GTF3C1: variants seen among roughly 807,000 people sequenced by gnomAD.
The protein encoded by GTF3C1 is general transcription factor 3C polypeptide 1.
In GTF3C1, 57 loss-of-function variants were observed where a neutral mutation model predicts 226.7. The observed-to-expected ratio is 0.25, with a 90% CI of 0.20 to 0.31. The LOEUF is 0.31. GTF3C1 is among the 10% of genes least tolerant of loss of function. GTF3C1 has a pLI of 1.00. For synonymous variants in GTF3C1, 1,090 were observed against 1,084.8 expected, an observed-to-expected ratio of 1.00 and a Z score of -0.09; for missense variants, 2,217 against 2,776.1, an observed-to-expected ratio of 0.80 and a Z score of 4.53.
In GTF3C1 at chr16:27,506,835, C is replaced by A; in HGVS notation, c.1552+12G>T. 6.3e-7 allele frequency: 1 copy of A among 1,588,292 alleles called. No individual in the cohort carries two copies. Among genetic ancestry groups the A allele is most frequent in the Non-Finnish European group, 8.6e-7 (1 of 1,166,014 alleles). ...GTGCACGCAGCCCCTGCCCACCCCA[C>A]GTGCTCCCTACCCTTGGTTGGGGTG... On this transcript the variant is annotated intron_variant, in intron 9 of 36. Coordinates refer to ENST00000356183, the MANE Select transcript of GTF3C1 (RefSeq NM_001520.4).
chr16:27,463,849 A>G lies in GTF3C1; in HGVS notation c.5873-257T>C. The stretch of plus-strand genomic sequence containing the variant: ...AGCCCCACATTGCAGGAAGCCAGCG[A>G]ACACCTCATTTTCCACCCAGAAGCC... On this transcript the variant is annotated intron_variant, in intron 34 of 36. Coordinates refer to ENST00000356183, the MANE Select transcript of GTF3C1 (RefSeq NM_001520.4). This position sits in a 1 kb window ranked among gnomAD's most constrained non-coding sequence, Gnocchi z 4.9. The G allele has an allele frequency of 1.9e-6, 1 of 531,126 alleles. No individual in the cohort carries two copies. Among genetic ancestry groups the G allele is most frequent in the Non-Finnish European group, 3.3e-6 (1 of 304,118 alleles). The allele number at this position is 531,126 out of a possible 1,614,324, so 32.9% of individuals were successfully genotyped here. A position where few individuals can be genotyped will look rare whatever the true frequency, so the allele number is the denominator to read the frequency against.
chr16:27,513,344 C>T (rs985530547), intron 6 of GTF3C1, among the ~76,000 whole-genome samples: 1 of 152,172 alleles, frequency 6.6e-6, no homozygotes, highest in Non-Finnish European at 1.5e-5. Context: ...GTCCCAGCTA[C>T]TCAGGAGGCT....
chr16:27,533,256 C>T, intron 5 of GTF3C1, 35 bp downstream of exon 5: 1 of 1,080,294 alleles, frequency 9.3e-7, no homozygotes. Context: ...GTACAGATCA[C>T]ACCCAGCCCC....
At chr16:27,503,559 G>A (rs551992339) in intron 10 of GTF3C1, among the ~76,000 whole-genome samples, 2 of 152,176 alleles carry the variant, frequency 1.3e-5, no homozygotes, top group South Asian at 2.1e-4. Flanking sequence ...GAGGTAGAGC[G>A]GGGCTCTTGA....
intron 32 of GTF3C1, chr16:27,466,350 G>C (rs2087786771): frequency 1.3e-5 from 2 of 152,184 alleles, no homozygotes; most frequent in East Asian, 1.9e-4. Flanking sequence ...CCTGTGATCA[G>C]TGATCTTTGC....
Position 27,495,469 on chromosome 16 carries a change from C to T in GTF3C1, c.2374G>A (p.Gly792Arg), listed in dbSNP as rs1237145308. Reference protein sequence around the residue: ...IVVPGLGRSLGFLPKMPRLRV... With the variant: ...IVVPGLGRSLRFLPKMPRLRV... The stretch of plus-strand genomic sequence containing the variant: ...AGGCGAGGCATTTTGGGCAGAAATC[C>T]TAGAGAACGCCCCAGTCCGGGAACT... The change falls in exon 15 of 37, where the codon GGA becomes AGA. Residue 792 changes from glycine to arginine, a missense_variant. By Grantham distance (125) the Gly-to-Arg change is moderately radical (BLOSUM62 -2). Around this residue, in one of 12 missense-constraint regions of GTF3C1, gnomAD observed 100 missense variants for 139.9 expected, o/e 0.71. Transcript: ENST00000356183. 1 of 1,613,688 alleles carries T rather than the reference C, an allele frequency of 6.2e-7. No homozygotes were observed. Among genetic ancestry groups the T allele is most frequent in the Non-Finnish European group, 8.5e-7 (1 of 1,179,834 alleles).
In GTF3C1 at chr16:27,469,592, C is replaced by A; in HGVS notation, c.4815-42G>T. 6.3e-7 allele frequency: 1 copy of A among 1,577,912 alleles called. No homozygotes were observed. Among genetic ancestry groups the A allele is most frequent in the Non-Finnish European group, 8.7e-7 (1 of 1,155,762 alleles). ...ACCTGGATACCTGAGCATAGGCCAG[C>A]CAGTTGCTACTGCAGCCTCTCCCCT... is the stretch of plus-strand genomic sequence containing the variant. On this transcript the variant is annotated intron_variant, in intron 31 of 36. Transcript: ENST00000356183. This position sits in a 1 kb window ranked among gnomAD's most constrained non-coding sequence, Gnocchi z 4.5.
rs771539048 is a variant in GTF3C1, at chr16:27,483,034, C to A, written c.4083+10G>T. Reference sequence around the variant, plus strand: ...AAGCATACCAAGCCCTACACTCACACAGGACCTACCTTTGGGTCATCATAG... The same window carrying A: ...AAGCATACCAAGCCCTACACTCACAAAGGACCTACCTTTGGGTCATCATAG... On this transcript the variant is annotated intron_variant, in intron 26 of 36. Transcript: ENST00000356183. The A allele has an allele frequency of 1.2e-6, 2 of 1,613,344 alleles. No individual in the cohort carries two copies. The highest frequency in any genetic ancestry group is 3.3e-5 in the Admixed American group (2 of 60,010).
Position 27,493,384 on chromosome 16 carries a change from A to T in GTF3C1, c.2779-88T>A, listed in dbSNP as rs913667014. The T allele has an allele frequency of 1.4e-4, 105 of 747,170 alleles. No individual in the cohort carries two copies. The African/African-American group carries it at 1.7e-3, about 12-fold the overall frequency. The allele number at this position is 747,170 out of a possible 1,614,324, so 46.3% of individuals were successfully genotyped here. ...AAAAAGTGCTCGCCACTATTTTCTG[A>T]CCATAGTCTCCCTGAACCTGCCCAC... On this transcript the variant is annotated intron_variant, in intron 16 of 36. Coordinates refer to ENST00000356183, the MANE Select transcript of GTF3C1 (RefSeq NM_001520.4).
At chr16:27,482,174 G>A (rs1364511559) in intron 26 of GTF3C1, among the ~76,000 whole-genome samples, 1 of 152,180 alleles carries the variant, frequency 6.6e-6, no homozygotes, top group Non-Finnish European at 1.5e-5. Context: ...CTGTTGTGAG[G>A]ACTTGAGCTC....
rs1596641095 is a variant in GTF3C1, at chr16:27,506,953, C to T, written c.1446G>A (p.Glu482=). Residue 482 remains glutamate (E), a synonymous_variant, in exon 9 of 37, where the codon GAG becomes GAA. Transcript: ENST00000356183. ...DTFLSESDSE[E]ERSSSKRRGR... ...CTCTCCGCTTGCTGCTGCTCCTCTCCTCCTCACTGTCCGACTCAGAGAGGA... is the reference window on the plus strand; with the variant it reads ...CTCTCCGCTTGCTGCTGCTCCTCTCTTCCTCACTGTCCGACTCAGAGAGGA... 2 of 1,613,466 alleles carry T rather than the reference C, an allele frequency of 1.2e-6. No homozygotes were observed. The highest frequency in any genetic ancestry group is 1.7e-6 in the Non-Finnish European group (2 of 1,179,574).
At chr16:27,508,722 A>G in intron 7 of GTF3C1, 67 bp from the exon 8 acceptor site, 1 of 1,160,994 alleles carries the variant, frequency 8.6e-7, no homozygotes. Flanking sequence ...GTCAGTTTCC[A>G]GCCCACTTTT....
At position 27,477,409 on chromosome 16, in the gene GTF3C1, C is replaced by T. The variant is rs908742925; in HGVS notation, c.4260-865G>A. On this transcript the variant is annotated intron_variant, in intron 28 of 36. Transcript: ENST00000356183. ...GCAACCTCCGTTTCCCAGGATCAAG[C>T]GATTCTCCTGCCTCAGCCTCCCCAG... is the stretch of plus-strand genomic sequence containing the variant. 3.9e-5 allele frequency among the ~76,000 whole-genome samples: 6 copies of T among 152,120 alleles called. No individual in the cohort carries two copies. In the South Asian group the frequency reaches 6.2e-4, roughly 16 times the overall value.
chr16:27,505,360 T>C (rs2088468090), intron 10 of GTF3C1, among the ~76,000 whole-genome samples: 1 of 152,252 alleles, frequency 6.6e-6, no homozygotes, highest in South Asian at 2.1e-4. Context: ...TTGCCAGTGC[T>C]GACATTTGGG....
chr16:27,525,131 A>C (rs1383106958), intron 6 of GTF3C1, among the ~76,000 whole-genome samples: 2 of 151,590 alleles, frequency 1.3e-5, no homozygotes, highest in Admixed American at 1.3e-4. Flanking sequence ...AGCCTGGGCA[A>C]TAGAGAGAAA....
chr16:27,501,063 G>T, intron 12 of GTF3C1, 128 bp downstream of exon 12: 5 of 736,866 alleles, frequency 6.8e-6, no homozygotes, highest in Non-Finnish European at 1.1e-5. Context: ...AAATCAGGAG[G>T]CATAATGGGA....
At chr16:27,519,249 G>A (rs1424376907) in intron 6 of GTF3C1, among the ~76,000 whole-genome samples, 6 of 152,186 alleles carry the variant, frequency 3.9e-5, no homozygotes, top group Non-Finnish European at 8.8e-5. Flanking sequence ...GGAAGGGGAG[G>A]GGAGAGGGCA....
intron 6 of GTF3C1, among the ~76,000 whole-genome samples, chr16:27,512,927 C>T (rs1287189991): frequency 6.6e-6 from 1 of 152,150 alleles, no homozygotes; most frequent in African/African-American, 2.4e-5. Context: ...ACATGAACAC[C>T]AAGATATCCT....
At chr16:27,506,428 C>T (rs1274884533) in intron 9 of GTF3C1, among the ~76,000 whole-genome samples, 1 of 152,170 alleles carries the variant, frequency 6.6e-6, no homozygotes, top group Non-Finnish European at 1.5e-5. Flanking sequence ...CCTCCCTAAG[C>T]TGGACATTTA....
Sources: allele counts gnomAD v4.1 joint callset (sites outside exome capture counted in the v4.1 genomes callset), GRCh38; gene constraint gnomAD v4.1.1; regional missense constraint gnomAD v4.1.1; non-coding constraint Gnocchi (gnomAD v3.1); transcripts MANE v1.5; gene names NCBI Gene and HGNC (gene_info 2026-07-23, HGNC 2026-07-21).